Variants in ANKHD1 observed in about 807,000 individuals in gnomAD.
ANKHD1 encodes the protein ankyrin repeat and KH domain-containing protein 1.
Under a neutral mutation model 230.5 loss-of-function variants are expected in ANKHD1, and 31 were observed. The observed-to-expected ratio is 0.13, with a 90% confidence interval of 0.10 to 0.18. ANKHD1 has a LOEUF of 0.18. Ranked by LOEUF, ANKHD1 falls within the 10% of genes least tolerant of loss-of-function variation. The probability of loss-of-function intolerance (pLI) is 1.00; values close to 1 mark genes in which losing one functional copy is unlikely to be tolerated. For synonymous variants in ANKHD1, 1,074 were observed against 1,117.6 expected (o/e 0.96, Z 0.78); for missense variants, 2,256 against 3,071.3 (o/e 0.73, Z 6.27).
At position 140,419,774 on chromosome 5, in the gene ANKHD1, TTTTCTTTCTTTCTTTCTTTCTTTCTTTC is replaced by T. The variant is rs199550424; in HGVS notation, c.307-16294_307-16267del. Among the ~76,000 whole-genome samples the T allele has an allele frequency of 1.8e-3, 159 of 86,938 alleles. 2 individuals are homozygous for T. Among genetic ancestry groups the T allele is most frequent in the Middle Eastern group, 5.5e-3 (1 of 182 alleles). The allele number at this position is 86,938 out of a possible 152,430, so 57.0% of individuals were successfully genotyped here. On this transcript the variant is annotated intron_variant, in intron 1 of 33. Coordinates refer to ENST00000360839, the MANE Select transcript of ANKHD1 (RefSeq NM_017747.3). Reference sequence around the variant, plus strand: ...TTCTTTTCTCTTCTCTTTCCTTTCTTTTTCTTTCTTTCTTTCTTTCTTTCTTTCTTTCTTTCTTTCTTTCTTTCTTTCT... The same window carrying T: ...TTCTTTTCTCTTCTCTTTCCTTTCTTTTTCTTTCTTTCTTTCTTTCTTTCT...
At position 140,506,909 on chromosome 5, in the gene ANKHD1, A is replaced by G; in HGVS notation, c.3483A>G (p.Leu1161=). The G allele has an allele frequency of 6.2e-7, 1 of 1,614,148 alleles. No individual in the cohort carries two copies. Among genetic ancestry groups the G allele is most frequent in the Non-Finnish European group, 8.5e-7 (1 of 1,180,000 alleles). Residue 1161 remains leucine (L), a synonymous_variant, in exon 19 of 34, where the codon CTA becomes CTG. Coordinates refer to ENST00000360839, the MANE Select transcript of ANKHD1 (RefSeq NM_017747.3). The surrounding 1 kb of genome is among the most constrained non-coding windows in gnomAD (Gnocchi z 4.7). ...TATCTGATTATACACCACTGAGTCT[A>G]GCTGCGTCTGGAGGATATGTTAATA... is the stretch of plus-strand genomic sequence containing the variant. ...RNVSDYTPLS[L]AASGGYVNII... is the part of the protein sequence containing the mutation.
Position 140,507,979 on chromosome 5 carries a change from A to G in ANKHD1, c.3746A>G (p.Asn1249Ser), listed in dbSNP as rs143270471. Residue 1249 changes from asparagine to serine, a missense_variant, in exon 20 of 34, where the codon AAT (asparagine) becomes AGT (serine). Around this residue, in one of 13 missense-constraint regions of ANKHD1, gnomAD observed 195 missense variants for 340.3 expected, o/e 0.57. Coordinates refer to ENST00000360839, the MANE Select transcript of ANKHD1 (RefSeq NM_017747.3). The surrounding 1 kb of genome is among the most constrained non-coding windows in gnomAD (Gnocchi z 4.1). The stretch of plus-strand genomic sequence containing the variant: ...AGTTTGCTTCTGGACCGAAAAGCCA[A>G]TGTTGAACATAGGGCAAAGGTAAGC... ...VVSLLLDRKA[N>S]VEHRAKTGLT... 45 of 1,613,908 alleles carry G rather than the reference A, an allele frequency of 2.8e-5. No individual in the cohort carries two copies. The African/African-American group carries it at 4.0e-4, about 14-fold the overall frequency.
At chr5:140,494,880 A>T (rs1024707431) in intron 14 of ANKHD1, among the ~76,000 whole-genome samples, 3 of 152,246 alleles carry the variant, frequency 2.0e-5, no homozygotes, top group East Asian at 1.9e-4. Flanking sequence ...TTTCTCAAAC[A>T]GCTTTATTGT....
In ANKHD1 at chr5:140,532,817, A is replaced by G. The variant is rs542711545; in HGVS notation, c.6851-2545A>G. ...ATGCACATCATGATCTTTAAAAGCT[A>G]TCATGATTAGCTGGGCATGGTGGCT... On this transcript the variant is annotated intron_variant, in intron 29 of 33. Coordinates refer to ENST00000360839, the MANE Select transcript of ANKHD1 (RefSeq NM_017747.3). 2.5e-5 allele frequency: 11 copies of G among 432,970 alleles called. No individual in the cohort carries two copies. In the East Asian group the frequency reaches 9.3e-4, roughly 37 times the overall value. The allele number at this position is 432,970 out of a possible 1,614,324, so 26.8% of individuals were successfully genotyped here. A position where few individuals can be genotyped will look rare whatever the true frequency, so the allele number is the denominator to read the frequency against.
At chr5:140,411,226 GAATATC>G (rs1770895082) in intron 1 of ANKHD1, among the ~76,000 whole-genome samples, 1 of 152,064 alleles carries the variant, frequency 6.6e-6, no homozygotes, top group African/African-American at 2.4e-5. Flanking sequence ...GTACTTAACA[GAATATC>G]AACTGGAAAC....
intron 24 of ANKHD1, among the ~76,000 whole-genome samples, chr5:140,513,918 C>T (rs1752871454): frequency 1.3e-5 from 2 of 148,656 alleles, no homozygotes; most frequent in African/African-American, 2.5e-5. Flanking sequence ...GTTTGGTCAA[C>T]ATAGAGAGGA....
intron 7 of ANKHD1, among the ~76,000 whole-genome samples, chr5:140,452,249 C>T (rs1774806140): frequency 6.6e-6 from 1 of 152,222 alleles, no homozygotes; most frequent in East Asian, 1.9e-4. Flanking sequence ...GAGCCCACTG[C>T]TGCTCAAGGA....
chr5:140,536,730 A>G (rs1754096489), intron 30 of ANKHD1, among the ~76,000 whole-genome samples: 1 of 152,180 alleles, frequency 6.6e-6, no homozygotes, highest in Non-Finnish European at 1.5e-5. Flanking sequence ...ATTTTAGTTA[A>G]TTTTCAAATG....
At chr5:140,441,788 T>C (rs1773868076) in intron 5 of ANKHD1, among the ~76,000 whole-genome samples, 1 of 152,230 alleles carries the variant, frequency 6.6e-6, no homozygotes, top group Admixed American at 6.5e-5. Flanking sequence ...GGGGCAAAAT[T>C]GGGTAACTAT....
Position 140,529,058 on chromosome 5 carries a change from A to G in ANKHD1, c.6112A>G (p.Met2038Val). ...KEKVSTQDQP[M>V]ANLCTPSSTA... ...GAAAGTGTCCACACAGGACCAGCCC[A>G]TGGCAAACCTATGTACCCCATCTTC... The change falls in exon 29 of 34, where the codon ATG (methionine) becomes GTG (valine). Residue 2038 changes from methionine to valine, a missense_variant. Coordinates refer to ENST00000360839, the MANE Select transcript of ANKHD1 (RefSeq NM_017747.3). 2 of 1,614,068 alleles carry G rather than the reference A, an allele frequency of 1.2e-6. No individual in the cohort carries two copies. Among genetic ancestry groups the G allele is most frequent in the African/African-American group, 1.3e-5 (1 of 75,060 alleles).
chr5:140,436,109 A>G lies in ANKHD1; in HGVS notation c.312A>G (p.Glu104=). The G allele has an allele frequency of 6.4e-7, 1 of 1,559,452 alleles. No homozygotes were observed. Reference sequence around the variant, plus strand: ...CATCTTTATTTCATTAACAGGTTGAATCATTTATTTTGGACCAAGAAGATC... The same window carrying G: ...CATCTTTATTTCATTAACAGGTTGAGTCATTTATTTTGGACCAAGAAGATC... ...GSDEDEVSEV[E]SFILDQEDLD... The change falls in exon 2 of 34, where the codon GAA becomes GAG. Residue 104 remains glutamate (E), a synonymous_variant. Coordinates refer to ENST00000360839, the MANE Select transcript of ANKHD1 (RefSeq NM_017747.3).
At chr5:140,536,660 T>C (rs1754094200) in intron 30 of ANKHD1, among the ~76,000 whole-genome samples, 1 of 152,064 alleles carries the variant, frequency 6.6e-6, no homozygotes, top group Non-Finnish European at 1.5e-5. Flanking sequence ...GACTAACAAG[T>C]ATAGAGGGTC....
chr5:140,441,009 G>T lies in ANKHD1; in HGVS notation c.780G>T (p.Met260Ile). 1 of 1,605,278 alleles carries T rather than the reference G, an allele frequency of 6.2e-7. No individual in the cohort carries two copies. Among genetic ancestry groups the T allele is most frequent in the Non-Finnish European group, 8.5e-7 (1 of 1,177,174 alleles). The change falls in exon 5 of 34, where the codon ATG becomes ATT. Residue 260 changes from methionine to isoleucine, a missense_variant. By Grantham distance (10) the Met-to-Ile change is conservative (BLOSUM62 1). Around this residue, in one of 13 missense-constraint regions of ANKHD1, gnomAD observed 206 missense variants for 304.5 expected, o/e 0.68. Transcript: ENST00000360839. The part of the protein sequence containing the change: ...YYELAQVLLA[M>I]HANVEDRGNK... Reference sequence around the variant, plus strand: ...GTGTTTTAAAGGTATTGCTTGCTATGCATGCTAATGTTGAAGATCGAGGGA... The same window carrying T: ...GTGTTTTAAAGGTATTGCTTGCTATTCATGCTAATGTTGAAGATCGAGGGA...
intron 11 of ANKHD1, among the ~76,000 whole-genome samples, chr5:140,482,881 A>G (rs888592860): frequency 6.6e-6 from 1 of 152,208 alleles, no homozygotes; most frequent in African/African-American, 2.4e-5. Flanking sequence ...TTCATCAACA[A>G]AGCAACATGT....
intron 14 of ANKHD1, among the ~76,000 whole-genome samples, chr5:140,490,166 C>A (rs541795313): frequency 6.6e-6 from 1 of 152,100 alleles, no homozygotes; most frequent in South Asian, 2.1e-4. Flanking sequence ...TATTCTGTGT[C>A]GTGTATGTGA....
At chr5:140,437,440 T>C (rs1431421127) in intron 2 of ANKHD1, among the ~76,000 whole-genome samples, 3 of 152,242 alleles carry the variant, frequency 2.0e-5, no homozygotes, top group African/African-American at 7.2e-5. Flanking sequence ...CCATGGCTCA[T>C]GCCTGTAATC....
At chr5:140,461,333 A>G (rs761688366) in intron 9 of ANKHD1, among the ~76,000 whole-genome samples, 38 of 152,150 alleles carry the variant, frequency 2.5e-4, no homozygotes, top group Non-Finnish European at 4.6e-4. Context: ...GCTTATTTGA[A>G]GTATGTAGCT....
intron 14 of ANKHD1, among the ~76,000 whole-genome samples, 185 bp downstream of exon 14, chr5:140,487,245 T>C (rs1751552435): frequency 6.6e-6 from 1 of 152,210 alleles, no homozygotes; most frequent in Non-Finnish European, 1.5e-5. Flanking sequence ...TGACTTTTTA[T>C]TATTTTCCTG....
Position 140,524,616 on chromosome 5 carries a change from G to A in ANKHD1, c.4492+376G>A, listed in dbSNP as rs1753516196. 2.0e-5 allele frequency among the ~76,000 whole-genome samples: 3 copies of A among 152,128 alleles called. 1 individual carries two copies. The highest frequency in any genetic ancestry group is 2.0e-4 in the Admixed American group (3 of 15,284). ...CTTTTAGCTGAGATTCAGGCTCAAG[G>A]ATATAGAGGCCTGAAATGTCAGTAG... On this transcript the variant is annotated intron_variant, in intron 25 of 33. Transcript: ENST00000360839.
Sources: gnomAD v4.1 joint callset for allele counts (sites outside exome capture counted in the v4.1 genomes callset) on GRCh38, gnomAD v4.1.1 for gene constraint, gnomAD v4.1.1 regional missense constraint, Gnocchi (gnomAD v3.1) non-coding constraint, MANE v1.5 for transcripts, NCBI Gene and HGNC (gene_info 2026-07-23, HGNC 2026-07-21) for gene names.